The following CTIF variants were observed in gnomAD, a reference collection of about 807,000 sequenced individuals.
CTIF encodes the protein cap binding complex dependent translation initiation factor.
A neutral mutation model predicts 66.0 loss-of-function variants in CTIF; 21 were observed. That is an observed-to-expected ratio of 0.32 (90% CI 0.23 to 0.46). The LOEUF is 0.46. CTIF is among the 20% of genes least tolerant of loss of function. The probability of loss-of-function intolerance (pLI) is 1.00; values close to 1 mark genes in which losing one functional copy is unlikely to be tolerated. For synonymous variants in CTIF, 345 were observed against 326.4 expected (o/e 1.06, Z -0.62); for missense variants, 739 against 812.7 (o/e 0.91, Z 1.10).
intron 3 of CTIF, among the ~76,000 whole-genome samples, chr18:48,644,264 T>TTGGGGAC (rs1265057646): frequency 1.3e-5 from 2 of 152,166 alleles, no homozygotes; most frequent in Non-Finnish European, 2.9e-5. Flanking sequence ...GTACTCCAGG[T>TTGGGGAC]TGGGCACTGG....
chr18:48,621,207 G>A (rs1157346004), intron 2 of CTIF, among the ~76,000 whole-genome samples: 2 of 151,840 alleles, frequency 1.3e-5, no homozygotes, highest in African/African-American at 2.4e-5. Context: ...AAAGTAAAGC[G>A]GAAAATGGAA....
At chr18:48,597,210 G>A (rs773222657) in intron 1 of CTIF, among the ~76,000 whole-genome samples, 2 of 152,240 alleles carry the variant, frequency 1.3e-5, no homozygotes, top group Non-Finnish European at 2.9e-5. Context: ...CTTGCATGAG[G>A]CAGCAGGAAA....
intron 9 of CTIF, among the ~76,000 whole-genome samples, chr18:48,769,939 C>G (rs1909946447): frequency 6.6e-6 from 1 of 152,166 alleles, no homozygotes; most frequent in Non-Finnish European, 1.5e-5. Flanking sequence ...GGTGGGATAC[C>G]TCAATGTCAG....
intron 10 of CTIF, among the ~76,000 whole-genome samples, chr18:48,827,917 C>T (rs1199282443): frequency 6.6e-6 from 1 of 152,124 alleles, no homozygotes; most frequent in East Asian, 1.9e-4. Flanking sequence ...CAAACATACA[C>T]ACATAAACAC....
At chr18:48,800,406 C>T (rs892760382) in intron 9 of CTIF, among the ~76,000 whole-genome samples, 1 of 152,196 alleles carries the variant, frequency 6.6e-6, no homozygotes, top group African/African-American at 2.4e-5. Context: ...CTAGGGCCAG[C>T]CGGAACATCT....
intron 3 of CTIF, among the ~76,000 whole-genome samples, chr18:48,658,153 TTGTG>T (rs961790389): frequency 2.6e-5 from 4 of 151,908 alleles, no homozygotes; most frequent in Admixed American, 6.6e-5. Flanking sequence ...ACATGTATGT[TTGTG>T]TGTGATGTGT....
At chr18:48,634,291 C>A (rs1209721494) in intron 2 of CTIF, among the ~76,000 whole-genome samples, 1 of 152,146 alleles carries the variant, frequency 6.6e-6, no homozygotes, top group African/African-American at 2.4e-5. Flanking sequence ...GTGATATTAA[C>A]CTTGATCACT....
intron 1 of CTIF, among the ~76,000 whole-genome samples, chr18:48,616,732 C>T (rs1319999418): frequency 2.0e-5 from 3 of 152,166 alleles, no homozygotes; most frequent in Non-Finnish European, 4.4e-5. Flanking sequence ...GCAGAAATTG[C>T]AGCATTCATA....
At chr18:48,703,594 T>G (rs2092112576) in intron 6 of CTIF, among the ~76,000 whole-genome samples, 1 of 152,346 alleles carries the variant, frequency 6.6e-6, no homozygotes, top group African/African-American at 2.4e-5. Context: ...CTATCAGACC[T>G]AGGTTCGTGG....
At position 48,636,666 on chromosome 18, in the gene CTIF, G is replaced by T. The variant is rs1463834175; in HGVS notation, c.233G>T (p.Gly78Val). 6.2e-7 allele frequency: 1 copy of T among 1,600,960 alleles called. No individual in the cohort carries two copies. The highest frequency in any genetic ancestry group is 1.3e-5 in the African/African-American group (1 of 74,406). Residue 78 changes from glycine to valine, a missense_variant, in exon 3 of 12, where the codon GGG (glycine) becomes GTG (valine). Gly to Val is a moderately radical substitution (Grantham distance 109). Around this residue, in one of 2 missense-constraint regions of CTIF, gnomAD observed 529 missense variants for 520.3 expected, o/e 1.02. Transcript: ENST00000256413. ...GACAGCAGCTGTTCCTTCTCCCGAG[G>T]GCGAGCCCCCCCACAGCAGGTAGGG... ...PLDSSCSFSR[G>V]RAPPQQNGSK...
At chr18:48,594,877 T>A (rs1293602584) in intron 1 of CTIF, among the ~76,000 whole-genome samples, 2 of 152,194 alleles carry the variant, frequency 1.3e-5, no homozygotes, top group Non-Finnish European at 2.9e-5. Flanking sequence ...GTGCTGCAAG[T>A]CCCTGGGGCC....
intron 7 of CTIF, among the ~76,000 whole-genome samples, chr18:48,725,908 C>T (rs772488509): frequency 6.6e-6 from 1 of 152,160 alleles, no homozygotes; most frequent in Non-Finnish European, 1.5e-5. Context: ...ACAGGAGCCA[C>T]ACCAGGGCCC....
At position 48,761,258 on chromosome 18, in the gene CTIF, A is replaced by G; in HGVS notation, c.1072-132A>G. 1.2e-6 allele frequency: 1 copy of G among 811,618 alleles called. No individual in the cohort carries two copies. The highest frequency in any genetic ancestry group is 1.9e-6 in the Non-Finnish European group (1 of 522,770). The allele number at this position is 811,618 out of a possible 1,614,324, so 50.3% of individuals were successfully genotyped here. A position where few individuals can be genotyped will look rare whatever the true frequency, so the allele number is the denominator to read the frequency against. On this transcript the variant is annotated intron_variant, in intron 8 of 11. Coordinates refer to ENST00000256413, the MANE Select transcript of CTIF (RefSeq NM_014772.3). This position sits in a 1 kb window ranked among gnomAD's most constrained non-coding sequence, Gnocchi z 4.2. Reference sequence around the variant, plus strand: ...GTCTTTGGTGGAGGTTCCCAGAGGGACCAGCCCTCAGATCCAGGGAAGTAG... The same window carrying G: ...GTCTTTGGTGGAGGTTCCCAGAGGGGCCAGCCCTCAGATCCAGGGAAGTAG...
In CTIF at chr18:48,594,216, T is replaced by A. The variant is rs559210808; in HGVS notation, c.-28-25322T>A. ...GCTGGCTTCCTGAGCCTGCACCCCA[T>A]GCGGATGCACGGGGTCCCACACTCA... is the stretch of plus-strand genomic sequence containing the variant. On this transcript the variant is annotated intron_variant, in intron 1 of 11. Coordinates refer to ENST00000256413, the MANE Select transcript of CTIF (RefSeq NM_014772.3). 5.9e-5 allele frequency among the ~76,000 whole-genome samples: 9 copies of A among 152,250 alleles called. No individual in the cohort carries two copies. In the East Asian group the frequency reaches 1.7e-3, roughly 29 times the overall value.
chr18:48,806,009 T>G (rs567989540), intron 9 of CTIF, among the ~76,000 whole-genome samples: 1 of 152,072 alleles, frequency 6.6e-6, no homozygotes, highest in African/African-American at 2.4e-5. Flanking sequence ...AAAAGTCAGG[T>G]CATCAACAGA....
At chr18:48,723,286 G>A (rs1048909686) in intron 7 of CTIF, among the ~76,000 whole-genome samples, 1 of 152,084 alleles carries the variant, frequency 6.6e-6, no homozygotes, top group Non-Finnish European at 1.5e-5. Flanking sequence ...TGGGGTGAGG[G>A]GGCTGTCATG....
intron 9 of CTIF, among the ~76,000 whole-genome samples, chr18:48,785,005 G>A (rs1048591340): frequency 4.6e-5 from 7 of 152,238 alleles, no homozygotes; most frequent in Admixed American, 2.0e-4. Flanking sequence ...TGCTGCATGC[G>A]TGAGCATGGA....
In CTIF at chr18:48,663,764, G is replaced by T; in HGVS notation, c.265G>T (p.Asp89Tyr). ...CCATCTCTTCCAGAATGGCAGCAAA[G>T]ACAACTCTCTGGACATGCTGGGCAC... ...RAPPQQNGSKDNSLDMLGTDI... is the reference protein window; with the variant it reads ...RAPPQQNGSKYNSLDMLGTDI... The change falls in exon 4 of 12, where the codon GAC (aspartate) becomes TAC (tyrosine). Residue 89 changes from aspartate to tyrosine, a missense_variant. Physicochemically the swap from Asp to Tyr is radical, Grantham distance 160. This residue lies in a region of CTIF where 529 missense variants were observed against 520.3 expected (regional missense o/e 1.02). Transcript: ENST00000256413. 1 of 1,614,074 alleles carries T rather than the reference G, an allele frequency of 6.2e-7. No homozygotes were observed. The highest frequency in any genetic ancestry group is 8.5e-7 in the Non-Finnish European group (1 of 1,179,976).
intron 1 of CTIF, among the ~76,000 whole-genome samples, chr18:48,577,324 A>G (rs1445728894): frequency 6.6e-6 from 1 of 152,162 alleles, no homozygotes; most frequent in African/African-American, 2.4e-5. Flanking sequence ...TTTAATCCAG[A>G]GACGGTGTGT....
Sources: gnomAD v4.1 joint callset for allele counts (sites outside exome capture counted in the v4.1 genomes callset) on GRCh38, gnomAD v4.1.1 for gene constraint, gnomAD v4.1.1 regional missense constraint, Gnocchi (gnomAD v3.1) non-coding constraint, MANE v1.5 for transcripts, NCBI Gene and HGNC (gene_info 2026-07-23, HGNC 2026-07-21) for gene names.